Variants in NCKAP5 observed in about 807,000 individuals in gnomAD.
The protein encoded by NCKAP5 is nck-associated protein 5.
In NCKAP5, 92 loss-of-function variants were observed where a neutral mutation model predicts 167.0. That is an observed-to-expected ratio of 0.55 (90% confidence interval 0.47 to 0.66). The LOEUF (loss-of-function observed/expected upper bound fraction) is 0.66. NCKAP5 is among the 30% of genes least tolerant of loss of function. The pLI, the probability that NCKAP5 is intolerant of heterozygous loss-of-function variation, is 0.00. For missense variants in NCKAP5, 2,378 were observed against 2,315.0 expected, an observed-to-expected ratio of 1.03 and a Z score of -0.56; for synonymous variants, 891 against 877.4, an observed-to-expected ratio of 1.02 and a Z score of -0.27.
At chr2:133,270,685 T>C (rs991252103) in intron 4 of NCKAP5, among the ~76,000 whole-genome samples, 2 of 152,202 alleles carry the variant, frequency 1.3e-5, no homozygotes, top group African/African-American at 4.8e-5. Flanking sequence ...TTTGATTGGT[T>C]GCTTTCCACA....
At chr2:132,679,031 C>T (rs555036953) in intron 19 of NCKAP5, among the ~76,000 whole-genome samples, 1 of 152,184 alleles carries the variant, frequency 6.6e-6, no homozygotes, top group Middle Eastern at 3.4e-3. Context: ...CCTAACACCC[C>T]CTTCCCTACT....
intron 6 of NCKAP5, among the ~76,000 whole-genome samples, chr2:133,010,204 C>T (rs777669321): frequency 9.9e-5 from 15 of 152,076 alleles, no homozygotes; most frequent in African/African-American, 1.9e-4. Context: ...TGATCTTATT[C>T]GCAAATTTTA....
chr2:132,985,676 G>A (rs2077268711), intron 7 of NCKAP5, among the ~76,000 whole-genome samples: 1 of 152,096 alleles, frequency 6.6e-6, no homozygotes, highest in Admixed American at 6.6e-5. Flanking sequence ...AAACAAAAGA[G>A]GAAGAAAGAA....
At chr2:133,600,470 G>A in the NCKAP5 span, among the ~76,000 whole-genome samples, 2,161 of 152,332 alleles carry the variant, frequency 0.014, 30 homozygotes, top group Non-Finnish European at 0.024. Context: ...CCAAAGCCCC[G>A]AACAATGAGC....
the NCKAP5 span, among the ~76,000 whole-genome samples, chr2:133,660,103 C>T: frequency 6.6e-6 from 1 of 152,204 alleles, no homozygotes; most frequent in Non-Finnish European, 1.5e-5. Flanking sequence ...CTCACAGGAG[C>T]TGTAACTTGT....
At chr2:133,175,692 T>A (rs544464796) in intron 5 of NCKAP5, among the ~76,000 whole-genome samples, 177 of 152,328 alleles carry the variant, frequency 1.2e-3, no homozygotes, top group Middle Eastern at 6.8e-3. Context: ...AGAATTATAA[T>A]CCTATCTCTT....
chr2:133,470,874 G>A (rs559564205), intron 3 of NCKAP5, among the ~76,000 whole-genome samples: 52 of 152,338 alleles, frequency 3.4e-4, no homozygotes, highest in Non-Finnish European at 6.5e-4. Flanking sequence ...TTTGGCTTGC[G>A]CATGGTGCGC....
At chr2:133,490,384 C>A (rs1481207446) in intron 3 of NCKAP5, among the ~76,000 whole-genome samples, 1 of 152,156 alleles carries the variant, frequency 6.6e-6, no homozygotes, top group Non-Finnish European at 1.5e-5. Flanking sequence ...ACATACAAAT[C>A]CTACCAACCC....
chr2:133,323,798 G>T (rs1200545127), intron 3 of NCKAP5, among the ~76,000 whole-genome samples: 1 of 152,204 alleles, frequency 6.6e-6, no homozygotes, highest in Non-Finnish European at 1.5e-5. Flanking sequence ...CATTTGTAAA[G>T]GCTGAGGCTC....
intron 4 of NCKAP5, among the ~76,000 whole-genome samples, chr2:133,294,192 C>T (rs1402606659): frequency 1.3e-5 from 2 of 152,138 alleles, no homozygotes; most frequent in Non-Finnish European, 2.9e-5. Flanking sequence ...TATTCAGTGT[C>T]CACCATTAAG....
chr2:133,461,710 T>G (rs1692208547), intron 3 of NCKAP5, among the ~76,000 whole-genome samples: 2 of 152,322 alleles, frequency 1.3e-5, no homozygotes, highest in South Asian at 4.1e-4. Flanking sequence ...TGTGAGATCC[T>G]GATGACACAG....
chr2:133,189,231 C>T (rs1450958966), intron 5 of NCKAP5, among the ~76,000 whole-genome samples: 1 of 151,898 alleles, frequency 6.6e-6, no homozygotes, highest in African/African-American at 2.4e-5. Context: ...AAGACTAAAC[C>T]AGGAAGAAGT....
At chr2:133,022,456 G>A (rs1427317438) in intron 6 of NCKAP5, among the ~76,000 whole-genome samples, 7 of 152,230 alleles carry the variant, frequency 4.6e-5, no homozygotes, top group African/African-American at 1.7e-4. Context: ...GTGCAGGGAG[G>A]GGCTGTCTCT....
chr2:132,909,268 C>T (rs1694248958), intron 8 of NCKAP5, among the ~76,000 whole-genome samples: 1 of 152,138 alleles, frequency 6.6e-6, no homozygotes, highest in Non-Finnish European at 1.5e-5. Flanking sequence ...ATTGCTTGAA[C>T]CTGGGAGGTG....
intron 3 of NCKAP5, among the ~76,000 whole-genome samples, chr2:133,305,661 G>T (rs568388791): frequency 6.6e-6 from 1 of 152,164 alleles, no homozygotes; most frequent in Admixed American, 6.6e-5. Flanking sequence ...GAATGTAGTT[G>T]TCACTGGCTT....
intron 12 of NCKAP5, among the ~76,000 whole-genome samples, chr2:132,795,571 A>G (rs1316254832): frequency 6.6e-6 from 1 of 152,158 alleles, no homozygotes; most frequent in African/African-American, 2.4e-5. Context: ...CTGTAATCCC[A>G]ACACTTTGGG....
Position 132,783,243 on chromosome 2 carries a change from G to A in NCKAP5, c.3568C>T (p.Pro1190Ser), listed in dbSNP as rs757021102. Residue 1190 changes from proline (P) to serine (S), a missense_variant, in exon 14 of 20, where the codon CCA (proline) becomes TCA (serine). Pro to Ser is a moderately conservative substitution (Grantham distance 74). Around this residue, in one of 3 missense-constraint regions of NCKAP5, gnomAD observed 1,325 missense variants for 1,274.5 expected, o/e 1.04. Transcript: ENST00000409261. The part of the protein sequence containing the change: ...KSSVAVNKSK[P>S]EDSKNPASME... ...CTTGCTGGATTCTTGGAGTCCTCTG[G>A]CTTAGACTTGTTCACAGCCACGGAA... The A allele has an allele frequency of 1.9e-6, 3 of 1,613,934 alleles. No homozygotes were observed. Among genetic ancestry groups the A allele is most frequent in the South Asian group, 1.1e-5 (1 of 91,078 alleles).
intron 3 of NCKAP5, among the ~76,000 whole-genome samples, chr2:133,366,848 GTA>G (rs1685487195): frequency 6.6e-6 from 1 of 152,082 alleles, no homozygotes; most frequent in Non-Finnish European, 1.5e-5. Flanking sequence ...AAATTTTAAA[GTA>G]TATGTGTGAC....
chr2:132,904,129 A>T (rs909527142), intron 8 of NCKAP5, among the ~76,000 whole-genome samples: 3 of 151,940 alleles, frequency 2.0e-5, no homozygotes, highest in African/African-American at 7.2e-5. Context: ...TCTACTAAAA[A>T]TACAAAAAAT....
Sources: allele counts gnomAD v4.1 joint callset (sites outside exome capture counted in the v4.1 genomes callset), GRCh38; gene constraint gnomAD v4.1.1; regional missense constraint gnomAD v4.1.1; transcripts MANE v1.5; gene names NCBI Gene and HGNC (gene_info 2026-07-23, HGNC 2026-07-21).